Variants in PEAK1 observed in about 807,000 individuals in gnomAD.
PEAK1 encodes the protein pseudopodium enriched atypical kinase 1.
A neutral mutation model predicts 124.7 loss-of-function variants in PEAK1; 54 were observed. The ratio of observed to expected loss-of-function variants is 0.43; its 90% CI spans 0.35 to 0.54. PEAK1 has a LOEUF of 0.54. Among genes scored for constraint, PEAK1 ranks in the 20% least tolerant of loss-of-function variants. The pLI, the probability that PEAK1 is intolerant of heterozygous loss-of-function variation, is 0.01. For synonymous variants in PEAK1, 719 were observed against 760.0 expected (o/e 0.95, Z 0.89); for missense variants, 2,046 against 2,134.5 (o/e 0.96, Z 0.82).
chr15:77,415,960 C>T lies in PEAK1; in HGVS notation c.-666+4046G>A, dbSNP rs749401299. On this transcript the variant is annotated intron_variant, in intron 1 of 9. Coordinates refer to ENST00000682557, the MANE Select transcript of PEAK1 (RefSeq NM_001385026.1). ...CCCTGCTTAAAGACTCCTTCAGAGTCCTTTGTTGAAAACATTGTACCCCTC... is the reference window on the plus strand; with the variant it reads ...CCCTGCTTAAAGACTCCTTCAGAGTTCTTTGTTGAAAACATTGTACCCCTC... Among the ~76,000 whole-genome samples, 7 of 152,298 alleles carry T rather than the reference C, an allele frequency of 4.6e-5. No individual in the cohort carries two copies. The East Asian group carries it at 1.2e-3, about 25-fold the overall frequency.
chr15:77,393,405 A>T (rs2070642570), intron 1 of PEAK1, among the ~76,000 whole-genome samples: 1 of 152,290 alleles, frequency 6.6e-6, no homozygotes, highest in South Asian at 2.1e-4. Flanking sequence ...AAGAAAGGGA[A>T]GAGTAAAGAG....
rs756119649 is a variant in PEAK1, at chr15:77,132,975, C to T, written c.4077+30G>A. 4 of 1,578,886 alleles carry T rather than the reference C, an allele frequency of 2.5e-6. No homozygotes were observed. In the South Asian group the frequency reaches 4.6e-5, roughly 18 times the overall value. On this transcript the variant is annotated intron_variant, in intron 9 of 9. Coordinates refer to ENST00000682557, the MANE Select transcript of PEAK1 (RefSeq NM_001385026.1). The stretch of plus-strand genomic sequence containing the variant: ...CCCAGTAACAATGTAGTGGTTAAGA[C>T]TTAACATGAGATTTATAATATTTTC...
chr15:77,276,859 CAT>C (rs1215593043), intron 5 of PEAK1, among the ~76,000 whole-genome samples: 4 of 151,774 alleles, frequency 2.6e-5, no homozygotes, highest in African/African-American at 4.8e-5. Flanking sequence ...ATATTAGAAA[CAT>C]ATAAAAATGT....
At chr15:77,251,931 T>C (rs1173371091) in intron 6 of PEAK1, among the ~76,000 whole-genome samples, 9 of 152,208 alleles carry the variant, frequency 5.9e-5, no homozygotes. Flanking sequence ...GCCTACAAAG[T>C]ACCCCTGCTC....
intron 6 of PEAK1, among the ~76,000 whole-genome samples, chr15:77,238,176 A>G (rs1394845511): frequency 6.6e-6 from 1 of 152,162 alleles, no homozygotes; most frequent in Non-Finnish European, 1.5e-5. Flanking sequence ...ATGTCTAAAA[A>G]ATGTCAGTTT....
intron 2 of PEAK1, among the ~76,000 whole-genome samples, chr15:77,314,630 A>G (rs1010040605): frequency 2.0e-5 from 3 of 152,128 alleles, no homozygotes; most frequent in African/African-American, 7.2e-5. Flanking sequence ...GGCCTCCCAA[A>G]GTGCTGAGAT....
intron 5 of PEAK1, among the ~76,000 whole-genome samples, chr15:77,258,581 C>G (rs937442862): frequency 6.6e-6 from 1 of 152,080 alleles, no homozygotes; most frequent in African/African-American, 2.4e-5. Flanking sequence ...GATTTTGTAT[C>G]CTGAGACTTT....
At chr15:77,287,039 C>T (rs1410141416) in intron 2 of PEAK1, among the ~76,000 whole-genome samples, 1 of 152,106 alleles carries the variant, frequency 6.6e-6, no homozygotes, top group Non-Finnish European at 1.5e-5. Flanking sequence ...CCCTGTAGAT[C>T]TCTAAAACCT....
chr15:77,285,795 CA>C (rs1208755912), intron 3 of PEAK1, among the ~76,000 whole-genome samples: 1 of 151,770 alleles, frequency 6.6e-6, no homozygotes, highest in African/African-American at 2.4e-5. Flanking sequence ...CTGATCTTTT[CA>C]AAAAAACAGC....
At chr15:77,174,833 G>A (rs994413537) in intron 7 of PEAK1, among the ~76,000 whole-genome samples, 35 of 152,158 alleles carry the variant, frequency 2.3e-4, no homozygotes, top group African/African-American at 5.1e-4. Flanking sequence ...GAGGCATCAC[G>A]CTACCTGACT....
At chr15:77,187,878 C>T (rs775506718) in intron 6 of PEAK1, among the ~76,000 whole-genome samples, 26 of 152,138 alleles carry the variant, frequency 1.7e-4, no homozygotes, top group Non-Finnish European at 3.1e-4. Flanking sequence ...TGTTAAAGAA[C>T]ATGTGGGTCA....
chr15:77,199,707 T>C (rs1001200034), intron 6 of PEAK1, among the ~76,000 whole-genome samples: 3 of 152,218 alleles, frequency 2.0e-5, no homozygotes, highest in Non-Finnish European at 4.4e-5. Flanking sequence ...GATATGGCTC[T>C]TGGAGACACT....
rs2067491956 is a variant in PEAK1, at chr15:77,355,959, C to A, written c.-603+9204G>T. ...GGTGGCTTAGGCCTGAGACAAGAGG[C>A]AGTCCAGCAAAGCTGTGGGATAACA... On this transcript the variant is annotated intron_variant, in intron 2 of 9. Transcript: ENST00000682557. 6.1e-6 allele frequency: 6 copies of A among 981,358 alleles called. No individual in the cohort carries two copies. In the South Asian group the frequency reaches 2.4e-4, roughly 39 times the overall value. 60.8% of individuals were successfully genotyped at this position (981,358 alleles called of 1,614,324 possible).
intron 9 of PEAK1, among the ~76,000 whole-genome samples, chr15:77,122,743 G>A (rs1042958879): frequency 6.6e-5 from 10 of 152,252 alleles, no homozygotes; most frequent in African/African-American, 2.2e-4. Context: ...GTAGTTGGCT[G>A]CTGATCAATC....
chr15:77,190,048 G>A (rs940740005), intron 6 of PEAK1, among the ~76,000 whole-genome samples: 1 of 152,174 alleles, frequency 6.6e-6, no homozygotes, highest in Non-Finnish European at 1.5e-5. Context: ...CATAATCAGA[G>A]TGAGCAATGT....
At chr15:77,268,429 A>G (rs1416093798) in intron 5 of PEAK1, among the ~76,000 whole-genome samples, 1 of 151,938 alleles carries the variant, frequency 6.6e-6, no homozygotes, top group African/African-American at 2.4e-5. Context: ...AGCTGAGATC[A>G]CACCACTGCA....
chr15:77,160,376 C>T (rs1352380881), intron 7 of PEAK1, among the ~76,000 whole-genome samples: 1 of 152,138 alleles, frequency 6.6e-6, no homozygotes, highest in Non-Finnish European at 1.5e-5. Flanking sequence ...TATAAAGTCC[C>T]TTAAAAATAT....
chr15:77,401,694 C>A, intron 1 of PEAK1: 1 of 984,826 alleles, frequency 1.0e-6, no homozygotes, highest in Non-Finnish European at 1.2e-6. Flanking sequence ...TAACACAGAG[C>A]ATAATGTCAA....
intron 2 of PEAK1, chr15:77,336,378 G>A (rs1470431812): frequency 2.0e-6 from 2 of 985,276 alleles, no homozygotes. Flanking sequence ...CGTTTACTAG[G>A]AACCAAGGCA....
Sources: allele counts gnomAD v4.1 joint callset (sites outside exome capture counted in the v4.1 genomes callset), GRCh38; gene constraint gnomAD v4.1.1; transcripts MANE v1.5; gene names NCBI Gene and HGNC (gene_info 2026-07-23, HGNC 2026-07-21).